Variants in LCORL observed in about 807,000 individuals in gnomAD.
LCORL encodes ligand dependent nuclear receptor corepressor like, also known as ligand-dependent nuclear receptor corepressor-like protein.
LCORL carries 41 observed loss-of-function variants against 141.8 expected under a neutral mutation model. The observed-to-expected ratio is 0.29, with a 90% confidence interval of 0.23 to 0.38. The LOEUF (loss-of-function observed/expected upper bound fraction) is 0.38. LCORL is among the 10% of genes least tolerant of loss of function. The pLI is 1.00. For synonymous variants in LCORL, 618 were observed against 694.1 expected (o/e 0.89, Z 1.72); for missense variants, 1,759 against 2,035.0 (o/e 0.86, Z 2.61).
chr4:17,887,814 G>A (rs1286128515), intron 5 of LCORL, among the ~76,000 whole-genome samples: 4 of 152,118 alleles, frequency 2.6e-5, no homozygotes, highest in Non-Finnish European at 5.9e-5. Flanking sequence ...AGGGAAACCT[G>A]CTGGGAAAGT....
intron 5 of LCORL, among the ~76,000 whole-genome samples, chr4:17,906,454 T>C (rs1428208925): frequency 6.6e-6 from 1 of 152,132 alleles, no homozygotes; most frequent in Non-Finnish European, 1.5e-5. Flanking sequence ...GAATCACATA[T>C]GACAATAAGT....
intron 4 of LCORL, among the ~76,000 whole-genome samples, chr4:17,938,417 CTTTTT>C (rs71651867): frequency 8.1e-6 from 1 of 123,470 alleles, no homozygotes. Context: ...CTGTTTCTTT[CTTTTT>C]TTTTTTTTTT....
exon 7 of LCORL, chr4:17,875,020 T>C (rs754413068): frequency 2.4e-6 from 3 of 1,233,572 alleles, no homozygotes; most frequent in East Asian, 3.2e-5. Flanking sequence ...AAAGGTACAG[T>C]AGCAATCATA....
chr4:17,855,991 T>C (rs1724320234), intron 7 of LCORL, among the ~76,000 whole-genome samples: 1 of 152,236 alleles, frequency 6.6e-6, no homozygotes, highest in South Asian at 2.1e-4. Context: ...CTTTACTCAA[T>C]CTTTCGTTTT....
At chr4:17,850,473 G>A (rs1723513304) in intron 7 of LCORL, among the ~76,000 whole-genome samples, 2 of 152,168 alleles carry the variant, frequency 1.3e-5, no homozygotes, top group South Asian at 2.1e-4. Flanking sequence ...CAAAGGACAT[G>A]AACAGACACT....
At chr4:17,945,264 T>C (rs1361684775) in intron 4 of LCORL, among the ~76,000 whole-genome samples, 1 of 152,108 alleles carries the variant, frequency 6.6e-6, no homozygotes, top group Non-Finnish European at 1.5e-5. Flanking sequence ...TTATAAAAAT[T>C]ACATTTAAAA....
chr4:17,897,723 T>C (rs757308303), intron 5 of LCORL, among the ~76,000 whole-genome samples: 11 of 152,202 alleles, frequency 7.2e-5, no homozygotes, highest in South Asian at 2.1e-4. Flanking sequence ...ATTTTCATAC[T>C]TGACCACCTG....
At chr4:17,875,719 G>C in exon 7 of LCORL, 1 of 1,231,172 alleles carries the variant, frequency 8.1e-7, no homozygotes, top group Non-Finnish European at 1.0e-6. Context: ...CGCTTAATCT[G>C]TTTCACAACT....
At chr4:17,924,059 G>A (rs959521993) in intron 4 of LCORL, among the ~76,000 whole-genome samples, 4 of 151,914 alleles carry the variant, frequency 2.6e-5, no homozygotes, top group Non-Finnish European at 2.9e-5. Flanking sequence ...TTCACGGGCT[G>A]TAGCCAATGT....
At chr4:18,004,202 C>T (rs1036265137) in intron 1 of LCORL, among the ~76,000 whole-genome samples, 1 of 152,208 alleles carries the variant, frequency 6.6e-6, no homozygotes, top group African/African-American at 2.4e-5. Context: ...ACTCCACCTA[C>T]CACATATACT....
chr4:17,933,275 C>T (rs944902571), intron 4 of LCORL, among the ~76,000 whole-genome samples: 1 of 152,008 alleles, frequency 6.6e-6, no homozygotes, highest in African/African-American at 2.4e-5. Flanking sequence ...CAACATGTTC[C>T]ACTATTTTGT....
intron 4 of LCORL, among the ~76,000 whole-genome samples, chr4:17,936,356 T>C (rs890599149): frequency 9.8e-6 from 1 of 102,442 alleles, no homozygotes; most frequent in South Asian, 3.0e-4. Context: ...TCCAGTCTCA[T>C]AATGAAAAAA....
intron 4 of LCORL, among the ~76,000 whole-genome samples, chr4:17,954,229 A>G (rs1263571415): frequency 6.6e-6 from 1 of 152,274 alleles, no homozygotes; most frequent in Admixed American, 6.5e-5. Context: ...TGAATTATCA[A>G]TAGGGTGGTG....
chr4:17,937,829 A>C (rs924302589), intron 4 of LCORL, among the ~76,000 whole-genome samples: 4 of 152,178 alleles, frequency 2.6e-5, no homozygotes, highest in African/African-American at 9.6e-5. Context: ...ATAGAACAAA[A>C]TCTGGTCTAC....
chr4:17,893,724 G>A (rs1257829391), intron 5 of LCORL: 1 of 236,308 alleles, frequency 4.2e-6, no homozygotes, highest in Non-Finnish European at 6.9e-6. Context: ...TTTACAGCTG[G>A]TATCTTCAAC....
At chr4:17,919,980 C>T (rs1171862371) in intron 4 of LCORL, among the ~76,000 whole-genome samples, 1 of 152,186 alleles carries the variant, frequency 6.6e-6, no homozygotes, top group Non-Finnish European at 1.5e-5. Context: ...GGTGGCACAC[C>T]CAGGGAGGGC....
intron 4 of LCORL, among the ~76,000 whole-genome samples, chr4:17,942,339 C>T (rs1738105550): frequency 6.6e-6 from 1 of 151,906 alleles, no homozygotes. Context: ...TATCTAAATG[C>T]TACAAAGCAA....
chr4:17,882,621 T>G, intron 6 of LCORL: 1 of 984,338 alleles, frequency 1.0e-6, no homozygotes, highest in Non-Finnish European at 1.2e-6. Flanking sequence ...AACTGCAAAT[T>G]TGGTTATTAG....
intron 7 of LCORL, among the ~76,000 whole-genome samples, chr4:17,866,467 A>C (rs571257584): frequency 6.6e-4 from 101 of 152,238 alleles, no homozygotes; most frequent in Non-Finnish European, 1.3e-3. Context: ...TAGCACGCAG[A>C]AGACAAACAC....
Sources: gnomAD v4.1 joint callset for allele counts (sites outside exome capture counted in the v4.1 genomes callset) on GRCh38, gnomAD v4.1.1 for gene constraint, MANE v1.5 for transcripts, NCBI Gene and HGNC (gene_info 2026-07-23, HGNC 2026-07-21) for gene names.